The following ENAH variants were observed in gnomAD, a reference collection of about 807,000 sequenced individuals.
The protein encoded by ENAH is ENAH actin regulator, also known as protein enabled homolog.
In ENAH, 23 loss-of-function variants were observed where a neutral mutation model predicts 78.7. The ratio of observed to expected loss-of-function variants is 0.29; its 90% confidence interval spans 0.21 to 0.41. ENAH has a LOEUF of 0.41. Ranked by LOEUF, ENAH falls within the 10% of genes least tolerant of loss-of-function variation. The pLI is 1.00. For missense variants in ENAH, 544 were observed against 691.0 expected, an observed-to-expected ratio of 0.79 and a Z score of 2.39; for synonymous variants, 226 against 241.0, an observed-to-expected ratio of 0.94 and a Z score of 0.58.
At chr1:225,566,731 A>G (rs17561451) in intron 2 of ENAH, among the ~76,000 whole-genome samples, 6,791 of 152,306 alleles carry the variant, frequency 0.045, 230 homozygotes, top group South Asian at 0.11. Context: ...TAAGAAATCC[A>G]GAGCGAGGAA....
At chr1:225,523,641 G>A (rs559019657) in intron 4 of ENAH, among the ~76,000 whole-genome samples, 73 of 152,044 alleles carry the variant, frequency 4.8e-4, no homozygotes, top group African/African-American at 1.3e-3. Flanking sequence ...CCATCTAAAC[G>A]GATTTCCCAA....
intron 1 of ENAH, chr1:225,580,048 G>A (rs1015654411): frequency 1.3e-5 from 2 of 151,956 alleles, no homozygotes; most frequent in African/African-American, 4.8e-5. Flanking sequence ...AGTATACACT[G>A]TAAGAAATAA....
chr1:225,574,718 A>G (rs1239449025), intron 1 of ENAH, among the ~76,000 whole-genome samples: 1 of 18,474 alleles, frequency 5.4e-5, no homozygotes, highest in Non-Finnish European at 9.1e-5. Flanking sequence ...TGGGTAACAC[A>G]GTGAAACCCC....
At chr1:225,588,270 C>T (rs1249120883) in intron 1 of ENAH, among the ~76,000 whole-genome samples, 1 of 152,130 alleles carries the variant, frequency 6.6e-6, no homozygotes, top group Non-Finnish European at 1.5e-5. Context: ...ATAAATCTGA[C>T]ATGAATCCAA....
intron 11 of ENAH, among the ~76,000 whole-genome samples, chr1:225,504,007 CTT>C (rs565782427): frequency 2.1e-5 from 3 of 142,686 alleles, no homozygotes; most frequent in African/African-American, 5.1e-5. Context: ...TTTTATTTCA[CTT>C]TTTTTTTTTT....
intron 1 of ENAH, among the ~76,000 whole-genome samples, chr1:225,640,832 A>G (rs1362129355): frequency 6.6e-6 from 1 of 152,198 alleles, no homozygotes; most frequent in African/African-American, 2.4e-5. Flanking sequence ...AAATTAAGTT[A>G]ATTAGCAAAG....
chr1:225,557,406 A>C (rs2096672348), intron 2 of ENAH, among the ~76,000 whole-genome samples: 1 of 152,224 alleles, frequency 6.6e-6, no homozygotes, highest in South Asian at 2.1e-4. Flanking sequence ...ATCCATTCAC[A>C]ATGTATTTAT....
intron 5 of ENAH, chr1:225,517,764 G>C: frequency 6.4e-7 from 1 of 1,551,216 alleles, no homozygotes; most frequent in Non-Finnish European, 8.7e-7. Flanking sequence ...GAACAGGGTG[G>C]AAGGCTGAAC....
At chr1:225,574,327 G>A (rs1028706203) in intron 1 of ENAH, among the ~76,000 whole-genome samples, 9 of 152,286 alleles carry the variant, frequency 5.9e-5, no homozygotes, top group East Asian at 1.9e-4. Context: ...TGGGCCAGGC[G>A]CGGTGGCTCA....
At position 225,487,036 on chromosome 1, in the gene ENAH, G is replaced by A. The variant is rs1245804677; in HGVS notation, c.*10739C>T. ...TCACATGAGTCCAGTGACTTCAGCA[G>A]GTCCACTGATCCACCACAGTGACAG... is the stretch of plus-strand genomic sequence containing the variant. On this transcript the variant is annotated 3_prime_UTR_variant, in exon 14 of 14. Coordinates refer to ENST00000366843, the MANE Select transcript of ENAH (RefSeq NM_018212.6). The A allele has an allele frequency of 1.3e-5, 2 of 152,756 alleles. No homozygotes were observed. The highest frequency in any genetic ancestry group is 2.4e-5 in the African/African-American group (1 of 41,586). The allele number at this position is 152,756 out of a possible 1,614,324, so 9.5% of individuals were successfully genotyped here.
At chr1:225,618,211 G>A (rs1035465447) in intron 1 of ENAH, among the ~76,000 whole-genome samples, 9 of 152,250 alleles carry the variant, frequency 5.9e-5, no homozygotes, top group African/African-American at 1.4e-4. Context: ...AACATCCCCC[G>A]GAGGAAAATG....
intron 1 of ENAH, among the ~76,000 whole-genome samples, chr1:225,586,241 C>CAAA (rs34817622): frequency 1.3e-4 from 13 of 100,514 alleles, no homozygotes; most frequent in South Asian, 4.3e-4. Context: ...GAGACAAGCT[C>CAAA]AAAAAAAAAA....
chr1:225,614,204 G>A (rs1307634992), intron 1 of ENAH, among the ~76,000 whole-genome samples: 1 of 151,846 alleles, frequency 6.6e-6, no homozygotes, highest in East Asian at 1.9e-4. Context: ...GATTACAGGC[G>A]CCCACCACCA....
chr1:225,649,585 C>T (rs532394774), intron 1 of ENAH, among the ~76,000 whole-genome samples: 1 of 152,162 alleles, frequency 6.6e-6, no homozygotes, highest in Non-Finnish European at 1.5e-5. Flanking sequence ...AGACAGGACA[C>T]TAAAAGTACC....
intron 1 of ENAH, among the ~76,000 whole-genome samples, chr1:225,576,834 G>A (rs997678922): frequency 1.3e-4 from 20 of 152,286 alleles, no homozygotes; most frequent in African/African-American, 4.8e-4. Context: ...TTTCAGAGCT[G>A]TGAGAAAGTA....
chr1:225,648,539 C>T (rs1662387408), intron 1 of ENAH, among the ~76,000 whole-genome samples: 1 of 152,164 alleles, frequency 6.6e-6, no homozygotes, highest in South Asian at 2.1e-4. Context: ...CACTCTTCTT[C>T]AAGATTTATT....
intron 1 of ENAH, among the ~76,000 whole-genome samples, chr1:225,624,164 A>G (rs1657514572): frequency 6.6e-6 from 1 of 152,172 alleles, no homozygotes; most frequent in African/African-American, 2.4e-5. Context: ...TAGGTTGGGT[A>G]CAGTGGCTGA....
chr1:225,651,467 T>C (rs1334939004), intron 1 of ENAH, among the ~76,000 whole-genome samples: 5 of 152,184 alleles, frequency 3.3e-5, no homozygotes, highest in African/African-American at 1.2e-4. Flanking sequence ...TGACATGACA[T>C]TTTCTTGCCA....
At chr1:225,649,089 T>G (rs956049418) in intron 1 of ENAH, among the ~76,000 whole-genome samples, 3 of 152,174 alleles carry the variant, frequency 2.0e-5, no homozygotes, top group Admixed American at 2.0e-4. Flanking sequence ...GGCTTACCAG[T>G]GTATAAAGTA....
Sources: gnomAD v4.1 joint callset for allele counts (sites outside exome capture counted in the v4.1 genomes callset) on GRCh38, gnomAD v4.1.1 for gene constraint, MANE v1.5 for transcripts, NCBI Gene and HGNC (gene_info 2026-07-23, HGNC 2026-07-21) for gene names.